The following SCLT1 variants were observed in gnomAD, a reference collection of about 807,000 sequenced individuals.
SCLT1 encodes the protein sodium channel-associated protein 1.
A neutral mutation model predicts 112.8 loss-of-function variants in SCLT1; 78 were observed. The observed-to-expected ratio is 0.69, with a 90% CI of 0.58 to 0.83. The LOEUF (loss-of-function observed/expected upper bound fraction) is 0.83, where lower values mean the gene tolerates loss of function less well. Ranked by LOEUF, SCLT1 falls within the 40% of genes least tolerant of loss-of-function variation. SCLT1 has a pLI of 0.00. For synonymous variants in SCLT1, 257 were observed against 254.7 expected (o/e 1.01, Z -0.09); for missense variants, 747 against 770.4 (o/e 0.97, Z 0.36).
rs1345480264 is a variant in SCLT1, at chr4:128,952,841, C to T, written c.1147-1G>A. The T allele has an allele frequency of 3.4e-6, 5 of 1,470,048 alleles. No homozygotes were observed. The highest frequency in any genetic ancestry group is 4.8e-6 in the Non-Finnish European group (5 of 1,049,286). The allele number at this position is 1,470,048 out of a possible 1,614,324, so 91.1% of individuals were successfully genotyped here. ...TACATTGTTTTTTGGTGTTTGCAAC[C>T]TGTAAATTAAGACATTTACTCATTA... On this transcript the variant is annotated splice_acceptor_variant, in intron 13 of 20. Transcript: ENST00000281142. LOFTEE classifies it high-confidence loss of function.
At chr4:129,088,460 G>A (rs1165510580) in intron 1 of SCLT1, among the ~76,000 whole-genome samples, 1 of 152,166 alleles carries the variant, frequency 6.6e-6, no homozygotes, top group Non-Finnish European at 1.5e-5. Context: ...TCAGGAACAG[G>A]ATATGGATGT....
chr4:128,974,839 A>G (rs1298582136), intron 9 of SCLT1, among the ~76,000 whole-genome samples: 1 of 151,992 alleles, frequency 6.6e-6, no homozygotes, highest in Admixed American at 6.6e-5. Flanking sequence ...AAAAATTTTG[A>G]TTTAAAAAAA....
At chr4:128,976,961 G>A (rs1184914301) in intron 9 of SCLT1, among the ~76,000 whole-genome samples, 1 of 152,126 alleles carries the variant, frequency 6.6e-6, no homozygotes, top group Non-Finnish European at 1.5e-5. Context: ...AGGCAAATGG[G>A]AAACTGTACC....
At chr4:128,888,399 G>A (rs1398635450) in intron 20 of SCLT1, among the ~76,000 whole-genome samples, 1 of 151,896 alleles carries the variant, frequency 6.6e-6, no homozygotes, top group Non-Finnish European at 1.5e-5. Flanking sequence ...AAAATTTTTT[G>A]TAGAGAAAAG....
At chr4:129,060,772 G>A (rs1162671572) in intron 2 of SCLT1, among the ~76,000 whole-genome samples, 2 of 152,180 alleles carry the variant, frequency 1.3e-5, no homozygotes, top group Non-Finnish European at 2.9e-5. Context: ...GTCTGACATG[G>A]CCTACAAGTA....
At chr4:128,973,921 G>A (rs1276014698) in intron 9 of SCLT1, among the ~76,000 whole-genome samples, 1 of 151,860 alleles carries the variant, frequency 6.6e-6, no homozygotes, top group African/African-American at 2.4e-5. Flanking sequence ...CTTTTGGCAG[G>A]AAGTGTTGAA....
intron 18 of SCLT1, among the ~76,000 whole-genome samples, chr4:128,900,320 A>T (rs1204843663): frequency 6.6e-6 from 1 of 152,238 alleles, no homozygotes; most frequent in Non-Finnish European, 1.5e-5. Context: ...TACTGGTACC[A>T]AAACAGAGAT....
At position 128,899,519 on chromosome 4, in the gene SCLT1, G is replaced by A. The variant is rs554889132; in HGVS notation, c.1830-8382C>T. On this transcript the variant is annotated intron_variant, in intron 18 of 20. Transcript: ENST00000281142. ...TCAATAAATTAGGTATTAATGGGAC[G>A]TATCTCAAAATAATAAGAGCTATCT... is the stretch of plus-strand genomic sequence containing the variant. Among the ~76,000 whole-genome samples the A allele has an allele frequency of 7.2e-5, 11 of 152,218 alleles. No individual in the cohort carries two copies. The East Asian group carries it at 1.4e-3, about 19-fold the overall frequency.
chr4:128,933,685 G>A (rs1451997567), intron 18 of SCLT1, among the ~76,000 whole-genome samples: 1 of 152,008 alleles, frequency 6.6e-6, no homozygotes, highest in Non-Finnish European at 1.5e-5. Flanking sequence ...GAGAATACAC[G>A]TTCTTAACGA....
In SCLT1 at chr4:129,026,250, A is replaced by C. The variant is rs1015568116; in HGVS notation, c.290+12791T>G. ...ACCCCAAATCAACAGAATATACATTATTTTCAGCACCACACCACACCTATT... is the reference window on the plus strand; with the variant it reads ...ACCCCAAATCAACAGAATATACATTCTTTTCAGCACCACACCACACCTATT... On this transcript the variant is annotated intron_variant, in intron 5 of 20. Transcript: ENST00000281142. Among the ~76,000 whole-genome samples the C allele has an allele frequency of 5.3e-5, 8 of 152,096 alleles. No individual in the cohort carries two copies. The East Asian group carries it at 5.8e-4, about 11-fold the overall frequency.
intron 18 of SCLT1, among the ~76,000 whole-genome samples, chr4:128,911,509 C>A (rs1735097557): frequency 6.6e-6 from 1 of 151,986 alleles, no homozygotes; most frequent in African/African-American, 2.4e-5. Context: ...CCAAAAGATA[C>A]CATACAGAAA....
downstream of SCLT1, among the ~76,000 whole-genome samples, chr4:128,883,382 C>G (rs547843640): frequency 2.6e-5 from 4 of 151,940 alleles, no homozygotes; most frequent in South Asian, 8.3e-4. Context: ...GCAGAAGACT[C>G]CTATCACACA....
chr4:129,021,814 G>T (rs1200788564), intron 5 of SCLT1, among the ~76,000 whole-genome samples: 1 of 152,226 alleles, frequency 6.6e-6, no homozygotes, highest in Non-Finnish European at 1.5e-5. Flanking sequence ...CAGCGCACCA[G>T]CTCTGCTAAG....
intron 9 of SCLT1, among the ~76,000 whole-genome samples, chr4:128,985,166 C>T (rs1741978405): frequency 6.6e-6 from 1 of 152,106 alleles, no homozygotes; most frequent in South Asian, 2.1e-4. Context: ...CAAATAGCCT[C>T]ATTCCACAGA....
chr4:128,966,225 G>C (rs971126465), intron 10 of SCLT1, among the ~76,000 whole-genome samples: 1 of 150,518 alleles, frequency 6.6e-6, no homozygotes, highest in East Asian at 1.9e-4. Context: ...TCAGCCTCTC[G>C]AGTAGCTGGG....
chr4:128,915,241 C>T (rs1202455693), intron 18 of SCLT1, among the ~76,000 whole-genome samples: 2 of 152,170 alleles, frequency 1.3e-5, no homozygotes, highest in African/African-American at 4.8e-5. Context: ...CATACATGCC[C>T]AGTTCACAGA....
At chr4:129,018,330 T>G (rs1003709610) in intron 5 of SCLT1, among the ~76,000 whole-genome samples, 9 of 152,238 alleles carry the variant, frequency 5.9e-5, no homozygotes, top group Admixed American at 6.5e-5. Flanking sequence ...CTATCATATT[T>G]GCCACAACCT....
At chr4:128,995,147 T>A (rs1435664175) in intron 8 of SCLT1, among the ~76,000 whole-genome samples, 1 of 152,176 alleles carries the variant, frequency 6.6e-6, no homozygotes, top group Non-Finnish European at 1.5e-5. Context: ...AAGAACTTTA[T>A]AAGTAAGAGG....
At chr4:128,887,422 TATC>T (rs1329590406) in intron 20 of SCLT1, among the ~76,000 whole-genome samples, 2 of 152,066 alleles carry the variant, frequency 1.3e-5, no homozygotes, top group Non-Finnish European at 2.9e-5. Context: ...AATCTGTAAA[TATC>T]ATGAACATAA....
Sources: allele counts gnomAD v4.1 joint callset (sites outside exome capture counted in the v4.1 genomes callset), GRCh38; gene constraint gnomAD v4.1.1; transcripts MANE v1.5; gene names NCBI Gene and HGNC (gene_info 2026-07-23, HGNC 2026-07-21).